The following ATP11A variants were observed in gnomAD, a reference collection of about 807,000 sequenced individuals.
The protein encoded by ATP11A is ATPase phospholipid transporting 11A, also known as phospholipid-transporting ATPase IH.
In ATP11A, 81 loss-of-function variants were observed where a neutral mutation model predicts 154.4. That is an observed-to-expected ratio of 0.52 (90% CI 0.44 to 0.63). The LOEUF is 0.63. ATP11A is among the 30% of genes least tolerant of loss of function. The pLI, the probability that ATP11A is intolerant of heterozygous loss-of-function variation, is 0.00. For synonymous variants in ATP11A, 623 were observed against 585.9 expected, an observed-to-expected ratio of 1.06 and a Z score of -0.91; for missense variants, 1,316 against 1,474.3, an observed-to-expected ratio of 0.89 and a Z score of 1.76.
intron 24 of ATP11A, among the ~76,000 whole-genome samples, chr13:112,861,216 G>A (rs1442061271): frequency 6.6e-6 from 1 of 152,168 alleles, no homozygotes. Context: ...TGCCCACCAG[G>A]TCCCTCCCAT....
At chr13:112,865,354 G>A (rs1243019411) in intron 25 of ATP11A, among the ~76,000 whole-genome samples, 2 of 136,110 alleles carry the variant, frequency 1.5e-5, no homozygotes, top group East Asian at 4.8e-4. Flanking sequence ...ATCACCACAT[G>A]TGCAGTAATT....
chr13:112,881,802 C>T (rs1216563242), intron 29 of ATP11A, 74 bp from the exon 30 acceptor site: 6 of 1,366,068 alleles, frequency 4.4e-6, no homozygotes, highest in Non-Finnish European at 5.9e-6. Flanking sequence ...CCATGTGTCT[C>T]GTTCTCTCAG....
At chr13:112,718,694 G>C (rs1054785104) in intron 1 of ATP11A, among the ~76,000 whole-genome samples, 1 of 108,626 alleles carries the variant, frequency 9.2e-6, no homozygotes, top group African/African-American at 2.9e-5. Context: ...TTTTGAGACT[G>C]AGTTTCATTC....
chr13:112,862,464 G>C lies in ATP11A; in HGVS notation c.2880G>C (p.Leu960=), dbSNP rs777780368. 7.4e-6 allele frequency: 12 copies of C among 1,614,060 alleles called. No individual in the cohort carries two copies. In the South Asian group the frequency reaches 1.2e-4, roughly 16 times the overall value. Residue 960 remains leucine (L), a synonymous_variant, in exon 25 of 30, where the codon CTG becomes CTC. Coordinates refer to ENST00000375645, the MANE Select transcript of ATP11A (RefSeq NM_015205.3). ...LYRDVAKNAL[L]RWRVFIYWTL... is the part of the protein sequence containing the mutation. ...GGGACGTCGCCAAGAATGCCCTGCT[G>C]CGCTGGCGCGTGTTCATCTACTGGA...
At chr13:112,719,766 T>G (rs1220247489) in intron 1 of ATP11A, among the ~76,000 whole-genome samples, 1 of 152,236 alleles carries the variant, frequency 6.6e-6, no homozygotes, top group East Asian at 1.9e-4. Context: ...CGGTCTGTTT[T>G]GGGACCTGTC....
chr13:112,793,340 T>C (rs899438523), intron 2 of ATP11A, among the ~76,000 whole-genome samples: 113 of 152,342 alleles, frequency 7.4e-4, no homozygotes, highest in Non-Finnish European at 1.0e-4. Context: ...TAGCTGGAAC[T>C]ACAGGTGCCC....
intron 1 of ATP11A, among the ~76,000 whole-genome samples, chr13:112,711,040 G>C (rs1429543457): frequency 6.8e-6 from 1 of 146,136 alleles, no homozygotes; most frequent in African/African-American, 2.5e-5. Flanking sequence ...GGTCACCAGA[G>C]GCTGCTGAAA....
intron 11 of ATP11A, among the ~76,000 whole-genome samples, chr13:112,825,957 A>C (rs1357699382): frequency 1.3e-5 from 2 of 152,228 alleles, no homozygotes; most frequent in Non-Finnish European, 2.9e-5. Context: ...GGCCATGTGC[A>C]AACCGAGACC....
At chr13:112,804,893 T>C in intron 2 of ATP11A, 64 bp from the exon 3 acceptor site, 7 of 994,188 alleles carry the variant, frequency 7.0e-6, no homozygotes, top group Non-Finnish European at 9.2e-6. Flanking sequence ...TACTATGCCC[T>C]AGAGTAACAC....
chr13:112,863,837 C>A (rs2080216966), intron 25 of ATP11A, among the ~76,000 whole-genome samples: 1 of 89,740 alleles, frequency 1.1e-5, no homozygotes, highest in East Asian at 3.8e-4. Flanking sequence ...TCCATCACCA[C>A]CTGCGCAGTA....
chr13:112,752,442 G>A (rs1360051131), intron 1 of ATP11A, among the ~76,000 whole-genome samples: 3 of 152,176 alleles, frequency 2.0e-5, no homozygotes, highest in African/African-American at 4.8e-5. Flanking sequence ...CTCCCGGCGG[G>A]CGCCCCTGTG....
At chr13:112,837,384 C>T (rs557829122) in intron 16 of ATP11A, among the ~76,000 whole-genome samples, 9 of 152,348 alleles carry the variant, frequency 5.9e-5, no homozygotes, top group African/African-American at 1.4e-4. Flanking sequence ...CCCATAGCAG[C>T]GTGCAGGACA....
At chr13:112,834,190 C>G (rs1266008629) in intron 14 of ATP11A, among the ~76,000 whole-genome samples, 1 of 152,254 alleles carries the variant, frequency 6.6e-6, no homozygotes, top group Non-Finnish European at 1.5e-5. Flanking sequence ...GTGGGGGTAA[C>G]AGCCTCTCAG....
chr13:112,820,174 A>G (rs528281430), intron 8 of ATP11A, among the ~76,000 whole-genome samples: 1 of 152,314 alleles, frequency 6.6e-6, no homozygotes, highest in South Asian at 2.1e-4. Flanking sequence ...GTTTTCGCGC[A>G]AGACTCTGCC....
chr13:112,868,899 T>C (rs2080424803), intron 25 of ATP11A, among the ~76,000 whole-genome samples: 1 of 151,870 alleles, frequency 6.6e-6, no homozygotes, highest in South Asian at 2.1e-4. Context: ...AGGCCCTTCT[T>C]TACAAGGCTG....
At chr13:112,863,244 TGCGCA>T in intron 25 of ATP11A, among the ~76,000 whole-genome samples, 1 of 144,838 alleles carries the variant, frequency 6.9e-6, no homozygotes, top group Non-Finnish European at 1.5e-5. Flanking sequence ...CATCACCACC[TGCGCA>T]GTAATTCAGT....
chr13:112,876,069 A>G, intron 28 of ATP11A, 128 bp downstream of exon 28: 1 of 1,059,366 alleles, frequency 9.4e-7, no homozygotes, highest in Non-Finnish European at 1.3e-6. Context: ...AGGTATCACT[A>G]ATGAGTGTCC....
chr13:112,703,929 C>T lies in ATP11A; in HGVS notation c.39+13474C>T, dbSNP rs558344306. On this transcript the variant is annotated intron_variant, in intron 1 of 29. Transcript: ENST00000375645. ...TCAGTAAACTCAGAGGCTGCTGGAT[C>T]ATGATCTGGTTCTTCCAGTAAATGG... Among the ~76,000 whole-genome samples, 67 of 152,348 alleles carry T rather than the reference C, an allele frequency of 4.4e-4. 1 individual carries two copies. The highest frequency in any genetic ancestry group is 1.4e-3 in the African/African-American group (57 of 41,584).
intron 12 of ATP11A, 52 bp from the exon 13 acceptor site, chr13:112,831,323 G>A (rs2140246611): frequency 6.3e-7 from 1 of 1,586,830 alleles, no homozygotes; most frequent in Non-Finnish European, 8.6e-7. Flanking sequence ...TCTGAGTCGG[G>A]GACGTGCGGG....
Sources: allele counts gnomAD v4.1 joint callset (sites outside exome capture counted in the v4.1 genomes callset), GRCh38; gene constraint gnomAD v4.1.1; transcripts MANE v1.5; gene names NCBI Gene and HGNC (gene_info 2026-07-23, HGNC 2026-07-21).